Variants in CIAO1 observed in about 807,000 individuals in gnomAD.
The protein encoded by CIAO1 is cytosolic iron-sulfur assembly component 1, also known as probable cytosolic iron-sulfur protein assembly protein CIAO1.
A neutral mutation model predicts 43.1 loss-of-function variants in CIAO1; 32 were observed. That is an observed-to-expected ratio of 0.74 (90% CI 0.56 to 1.00). The LOEUF is 1.00. Among genes scored for constraint, CIAO1 ranks in the 50% least tolerant of loss-of-function variants. The pLI, the probability that CIAO1 is intolerant of heterozygous loss-of-function variation, is 0.00. For missense variants in CIAO1, 415 were observed against 437.4 expected (o/e 0.95, Z 0.46); for synonymous variants, 183 against 171.4 (o/e 1.07, Z -0.53).
In CIAO1 at chr2:96,272,224, A is replaced by G. The variant is rs1218487234; in HGVS notation, c.*873A>G. ...CAGCAGGCAGTTTCAGACTCACTCA[A>G]GTTGTCTCTTGACAGTCACTTCTAA... On this transcript the variant is annotated 3_prime_UTR_variant, in exon 7 of 7. Coordinates refer to ENST00000488633, the MANE Select transcript of CIAO1 (RefSeq NM_004804.3). 1 of 152,246 alleles carries G rather than the reference A, an allele frequency of 6.6e-6. No homozygotes were observed. Among genetic ancestry groups the G allele is most frequent in the African/African-American group, 2.4e-5 (1 of 41,460 alleles). The allele number at this position is 152,246 out of a possible 1,614,324, so 9.4% of individuals were successfully genotyped here.
At chr2:96,270,809 CAAAA>C (rs531540380) in intron 6 of CIAO1, among the ~76,000 whole-genome samples, 5 of 53,822 alleles carry the variant, frequency 9.3e-5, no homozygotes, top group Admixed American at 1.7e-4. Context: ...GACTCCATCT[CAAAA>C]AAAAAAAAAA....
In CIAO1 at chr2:96,268,500, G is replaced by A. The variant is rs377203527; in HGVS notation, c.533G>A (p.Arg178Gln). Residue 178 changes from arginine to glutamine, a missense_variant, in exon 5 of 7, where the codon CGG becomes CAG. Physicochemically the swap from Arg to Gln is conservative, Grantham distance 43 (BLOSUM62 1). Coordinates refer to ENST00000488633, the MANE Select transcript of CIAO1 (RefSeq NM_004804.3). ...TATGATGACACAGTGAAGCTGTACCGGGAGGAAGAGGATGACTGGGTATGC... is the reference window on the plus strand; with the variant it reads ...TATGATGACACAGTGAAGCTGTACCAGGAGGAAGAGGATGACTGGGTATGC... ...ASYDDTVKLY[R>Q]EEEDDWVCCA... 1.7e-5 allele frequency: 28 copies of A among 1,614,220 alleles called. No individual in the cohort carries two copies. Among genetic ancestry groups the A allele is most frequent in the African/African-American group, 6.7e-5 (5 of 75,052 alleles).
chr2:96,267,420 G>T lies in CIAO1; in HGVS notation c.239G>T (p.Ser80Ile). 6.2e-7 allele frequency: 1 copy of T among 1,614,204 alleles called. No individual in the cohort carries two copies. Among genetic ancestry groups the T allele is most frequent in the Non-Finnish European group, 8.5e-7 (1 of 1,180,038 alleles). ...SPCGNYLASASFDATTCIWKK... is the reference protein window; with the variant it reads ...SPCGNYLASAIFDATTCIWKK... ...TGCGGTAATTACCTGGCCTCTGCCA[G>T]CTTTGATGCTACCACTTGCATTTGG... Residue 80 changes from serine to isoleucine, a missense_variant, in exon 2 of 7, where the codon AGC (serine) becomes ATC (isoleucine). By Grantham distance (142) the Ser-to-Ile change is moderately radical (BLOSUM62 -2). Transcript: ENST00000488633.
At position 96,268,652 on chromosome 2, in the gene CIAO1, G is replaced by T; in HGVS notation, c.685G>T (p.Glu229Ter). ...CTGGCGTCAGTATCTACCAGGCAAT[G>T]AACAAGGTGAGGTCCATTAGTAGAG... ...RIWRQYLPGN[E>*]QGVACSGSDP... The change falls in exon 5 of 7, where the codon GAA becomes TAA. Residue 229 changes from glutamate to a stop codon, truncating the protein, a stop_gained. Coordinates refer to ENST00000488633, the MANE Select transcript of CIAO1 (RefSeq NM_004804.3). LOFTEE classifies it high-confidence loss of function. The T allele has an allele frequency of 1.2e-6, 2 of 1,614,118 alleles. No individual in the cohort carries two copies. Among genetic ancestry groups the T allele is most frequent in the South Asian group, 2.2e-5 (2 of 91,046 alleles).
In CIAO1 at chr2:96,266,353, GA is replaced by G; in HGVS notation, c.5del (p.Lys2ArgfsTer66). 6.9e-7 allele frequency: 1 copy of G among 1,450,538 alleles called. No individual in the cohort carries two copies. Among genetic ancestry groups the G allele is most frequent in the Non-Finnish European group, 9.2e-7 (1 of 1,087,332 alleles). 89.9% of individuals were successfully genotyped at this position (1,450,538 alleles called of 1,614,324 possible). A position where few individuals can be genotyped will look rare whatever the true frequency, so the allele number is the denominator to read the frequency against. On this transcript the variant is annotated frameshift_variant, in exon 1 of 7. Transcript: ENST00000488633. LOFTEE classifies it high-confidence loss of function. M[K>X]DSLVLLGRVP... The stretch of plus-strand genomic sequence containing the variant: ...ACCTCCCCCTGCGTCGGGCCGACAT[GA>G]AGGACTCGCTGGTGCTGCTGGGCCG...
chr2:96,271,347 T>G lies in CIAO1; in HGVS notation c.1016T>G (p.Leu339Arg), dbSNP rs1260076235. The change falls in exon 7 of 7, where the codon CTC becomes CGC. Residue 339 changes from leucine (L) to arginine (R), a missense_variant. By Grantham distance (102) the Leu-to-Arg change is moderately radical. Transcript: ENST00000488633. ...AFWKYQRPEG[L>R] is the part of the protein sequence containing the mutation. Reference sequence around the variant, plus strand: ...TGGAAGTATCAGCGGCCTGAAGGCCTCTGAGCTACCTCGACTTTGGACAGA... The same window carrying G: ...TGGAAGTATCAGCGGCCTGAAGGCCGCTGAGCTACCTCGACTTTGGACAGA... The G allele has an allele frequency of 6.2e-7, 1 of 1,613,628 alleles. No individual in the cohort carries two copies. The highest frequency in any genetic ancestry group is 8.5e-7 in the Non-Finnish European group (1 of 1,179,962).
In CIAO1 at chr2:96,273,697, T is replaced by G. The variant is rs1684599758; in HGVS notation, c.*2346T>G. Among the ~76,000 whole-genome samples the G allele has an allele frequency of 6.7e-6, 1 of 149,688 alleles. No homozygotes were observed. Among genetic ancestry groups the G allele is most frequent in the Non-Finnish European group, 1.5e-5 (1 of 67,588 alleles). On this transcript the variant is annotated 3_prime_UTR_variant, in exon 7 of 7. Transcript: ENST00000488633. ...AAAAAAAAAAAAAAATCACTTGTAG[T>G]CTTGGTGTGGTATCAAAGAATAGCC... is the stretch of plus-strand genomic sequence containing the variant.
chr2:96,267,705 C>T lies in CIAO1; in HGVS notation c.369C>T (p.Cys123=). Residue 123 remains cysteine (C), a synonymous_variant, in exon 3 of 7, where the codon TGC becomes TGT. Coordinates refer to ENST00000488633, the MANE Select transcript of CIAO1 (RefSeq NM_004804.3). ...CATCTGGCAACCTCCTGGCCACTTG[C>T]AGCCGAGATAAGAGCGTTTGGGTCT... ...WAPSGNLLAT[C]SRDKSVWVWE... 2 of 1,614,214 alleles carry T rather than the reference C, an allele frequency of 1.2e-6. No homozygotes were observed.
chr2:96,269,477 A>C (rs922995488), intron 6 of CIAO1, 122 bp downstream of exon 6: 2 of 864,986 alleles, frequency 2.3e-6, no homozygotes, highest in Non-Finnish European at 3.8e-6. Flanking sequence ...AGCCACCCCC[A>C]TTCCTTATCA....
At chr2:96,270,031 G>A (rs1160265983) in intron 6 of CIAO1, among the ~76,000 whole-genome samples, 1 of 152,154 alleles carries the variant, frequency 6.6e-6, no homozygotes, top group Non-Finnish European at 1.5e-5. Flanking sequence ...GTAGGTTAGA[G>A]GGTAGTTCTG....
At chr2:96,268,723 C>T (rs1684485409) in intron 5 of CIAO1, 65 bp downstream of exon 5, 5 of 1,520,044 alleles carry the variant, frequency 3.3e-6, no homozygotes, top group East Asian at 4.5e-5. Context: ...TGCTAAGACA[C>T]GTACATGAGT....
rs1004072598 is a variant in CIAO1, at chr2:96,272,934, A to C, written c.*1583A>C. 6.6e-6 allele frequency: 1 copy of C among 152,230 alleles called. No individual in the cohort carries two copies. The highest frequency in any genetic ancestry group is 1.5e-5 in the Non-Finnish European group (1 of 68,032). 9.4% of individuals were successfully genotyped at this position (152,230 alleles called of 1,614,324 possible). On this transcript the variant is annotated 3_prime_UTR_variant, in exon 7 of 7. Transcript: ENST00000488633. ...TTGAGGAAAAGCAGTTACACAGTTG[A>C]GTTGCAAGCTGAATTGGCTGTGTTC...
At chr2:96,267,209 T>A in intron 1 of CIAO1, 112 bp from the exon 2 acceptor site, 2 of 671,276 alleles carry the variant, frequency 3.0e-6, no homozygotes, top group Non-Finnish European at 4.2e-6. Flanking sequence ...AGCTGTGAAA[T>A]ACACTCCCTG....
chr2:96,270,555 A>G (rs563004583), intron 6 of CIAO1, among the ~76,000 whole-genome samples: 2 of 151,978 alleles, frequency 1.3e-5, no homozygotes, highest in East Asian at 3.9e-4. Flanking sequence ...ATGGCCTGTA[A>G]TCCCAGCACT....
At position 96,273,935 on chromosome 2, in the gene CIAO1, A is replaced by G. The variant is rs976520919; in HGVS notation, c.*2584A>G. 1.3e-5 allele frequency among the ~76,000 whole-genome samples: 2 copies of G among 151,316 alleles called. No homozygotes were observed. The highest frequency in any genetic ancestry group is 2.9e-5 in the Non-Finnish European group (2 of 67,914). Reference sequence around the variant, plus strand: ...TAAAAAATGTTAACGTGGGCTGGGCATGGTGGCTCATGCCTGTAATCCCAG... The same window carrying G: ...TAAAAAATGTTAACGTGGGCTGGGCGTGGTGGCTCATGCCTGTAATCCCAG... On this transcript the variant is annotated 3_prime_UTR_variant, in exon 7 of 7. Transcript: ENST00000488633.
Position 96,267,671 on chromosome 2 carries a change from C to T in CIAO1, c.335C>T (p.Ala112Val), listed in dbSNP as rs774797068. The T allele has an allele frequency of 6.2e-7, 1 of 1,614,150 alleles. No homozygotes were observed. The highest frequency in any genetic ancestry group is 1.7e-5 in the Admixed American group (1 of 60,026). ...CATGAAAATGAGGTCAAGTCAGTGG[C>T]TTGGGCCCCATCTGGCAACCTCCTG... Reference protein sequence around the residue: ...EGHENEVKSVAWAPSGNLLAT... With the variant: ...EGHENEVKSVVWAPSGNLLAT... Residue 112 changes from alanine (A) to valine (V), a missense_variant, in exon 3 of 7, where the codon GCT (alanine) becomes GTT (valine). Physicochemically the swap from Ala to Val is moderately conservative, Grantham distance 64 (BLOSUM62 0). Coordinates refer to ENST00000488633, the MANE Select transcript of CIAO1 (RefSeq NM_004804.3).
At chr2:96,268,124 T>C in intron 4 of CIAO1, 200 bp downstream of exon 4, 1 of 619,838 alleles carries the variant, frequency 1.6e-6, no homozygotes. Flanking sequence ...GAGGCCATGG[T>C]GGGTGGATCA....
Position 96,271,379 on chromosome 2 carries a change from A to G in CIAO1, c.*28A>G. 1 of 1,605,698 alleles carries G rather than the reference A, an allele frequency of 6.2e-7. No individual in the cohort carries two copies. The highest frequency in any genetic ancestry group is 1.1e-5 in the South Asian group (1 of 90,840). On this transcript the variant is annotated 3_prime_UTR_variant, in exon 7 of 7. Coordinates refer to ENST00000488633, the MANE Select transcript of CIAO1 (RefSeq NM_004804.3). ...TACCTCGACTTTGGACAGAGTAATG[A>G]CTCCCCAGAAAACGTCATATAAGAC...
Position 96,268,670 on chromosome 2 carries a change from T to C in CIAO1, c.691+12T>C. On this transcript the variant is annotated intron_variant, in intron 5 of 6. Transcript: ENST00000488633. ...AGGCAATGAACAAGGTGAGGTCCAT[T>C]AGTAGAGCTAAAGAAGACCCATCTC... is the stretch of plus-strand genomic sequence containing the variant. The C allele has an allele frequency of 6.2e-7, 1 of 1,613,752 alleles. No homozygotes were observed.
Sources: allele counts gnomAD v4.1 joint callset (sites outside exome capture counted in the v4.1 genomes callset), GRCh38; gene constraint gnomAD v4.1.1; transcripts MANE v1.5; gene names NCBI Gene and HGNC (gene_info 2026-07-23, HGNC 2026-07-21).